Variants in ITPR1 observed in about 807,000 individuals in gnomAD.
ITPR1 encodes inositol 1,4,5-trisphosphate receptor type 1, also known as inositol 1,4,5-trisphosphate-gated calcium channel ITPR1.
A neutral mutation model predicts 318.4 loss-of-function variants in ITPR1; 96 were observed. That is an observed-to-expected ratio of 0.30 (90% confidence interval 0.26 to 0.36). The LOEUF (loss-of-function observed/expected upper bound fraction) is 0.36. Among genes scored for constraint, ITPR1 ranks in the 10% least tolerant of loss-of-function variants. The probability of loss-of-function intolerance (pLI) is 1.00; values close to 1 mark genes in which losing one functional copy is unlikely to be tolerated. For missense variants in ITPR1, 2,440 were observed against 3,460.2 expected, an observed-to-expected ratio of 0.71 and a Z score of 7.40; for synonymous variants, 1,312 against 1,289.9, an observed-to-expected ratio of 1.02 and a Z score of -0.37.
intron 23 of ITPR1, among the ~76,000 whole-genome samples, chr3:4,675,768 C>A (rs1328007296): frequency 2.0e-5 from 3 of 152,106 alleles, no homozygotes; most frequent in African/African-American, 7.2e-5. Context: ...TCAGAGTAGG[C>A]AGATATTGGT....
At position 4,667,498 on chromosome 3, in the gene ITPR1, C is replaced by T. The variant is rs781586221; in HGVS notation, c.1835C>T (p.Ala612Val). 9.3e-6 allele frequency: 15 copies of T among 1,613,560 alleles called. No individual in the cohort carries two copies. Among genetic ancestry groups the T allele is most frequent in the South Asian group, 4.4e-5 (4 of 91,040 alleles). Residue 612 changes from alanine to valine, a missense_variant, in exon 18 of 62, where the codon GCG (alanine) becomes GTG (valine). Ala to Val is a moderately conservative substitution (Grantham distance 64). Transcript: ENST00000649015. ...NRKLLEKHITAAEIDTFVSLV... is the reference protein window; with the variant it reads ...NRKLLEKHITVAEIDTFVSLV... ...AAACTCCTGGAAAAACACATTACCGCGGCAGAGATTGACACATTTGTCAGC... is the reference window on the plus strand; with the variant it reads ...AAACTCCTGGAAAAACACATTACCGTGGCAGAGATTGACACATTTGTCAGC...
rs10546052 is a variant in ITPR1 at position 4,696,673 on chromosome 3, GTTT to G, written c.4282-457_4282-455del. 7.8e-3 allele frequency among the ~76,000 whole-genome samples: 909 copies of G among 117,192 alleles called. 12 individuals carry two copies. Among genetic ancestry groups the G allele is most frequent in the African/African-American group, 0.027 (855 of 31,964 alleles). The allele number at this position is 117,192 out of a possible 152,430, so 76.9% of individuals were successfully genotyped here. On this transcript the variant is annotated intron_variant, in intron 33 of 61. Transcript: ENST00000649015. ...ATTGAAGTTGAGCCCCTTGCCGTGT[GTTT>G]TTTTTTTTTTTTTTTTGACATTTGA...
chr3:4,788,040 T>C lies in ITPR1; in HGVS notation c.6709T>C (p.Tyr2237His). 3 of 1,612,816 alleles carry C rather than the reference T, an allele frequency of 1.9e-6. No homozygotes were observed. The highest frequency in any genetic ancestry group is 2.5e-6 in the Non-Finnish European group (3 of 1,179,290). Residue 2237 changes from tyrosine (Y) to histidine (H), a missense_variant, in exon 52 of 62, where the codon TAT becomes CAT. Around this residue, in one of 23 missense-constraint regions of ITPR1, gnomAD observed 115 missense variants for 204.5 expected, o/e 0.56. Coordinates refer to ENST00000649015, the MANE Select transcript of ITPR1 (RefSeq NM_001378452.1). Reference sequence around the variant, plus strand: ...CAAGGAGTCAAAACTACGAATTTACTATACTACAGAGAGAGACGAACAAGG... The same window carrying C: ...CAAGGAGTCAAAACTACGAATTTACCATACTACAGAGAGAGACGAACAAGG... ...LTKESKLRIYYTTERDEQGSK... is the reference protein window; with the variant it reads ...LTKESKLRIYHTTERDEQGSK...
In ITPR1 at chr3:4,766,422, C is replaced by A. The variant is rs146353850; in HGVS notation, c.5545-108C>A. On this transcript the variant is annotated intron_variant, in intron 44 of 61. Transcript: ENST00000649015. ...AATGTTGATCTAAACTTAGATCATG[C>A]GTGAGGTTTTGCAACTGGCTCTGAT... 2,230 of 816,996 alleles carry A rather than the reference C, an allele frequency of 2.7e-3. 7 individuals carry two copies. The highest frequency in any genetic ancestry group is 3.4e-3 in the Admixed American group (152 of 44,396). 50.6% of individuals were successfully genotyped at this position (816,996 alleles called of 1,614,324 possible). A position where few individuals can be genotyped will look rare whatever the true frequency, so the allele number is the denominator to read the frequency against.
At chr3:4,690,732 C>A (rs934674945) in intron 31 of ITPR1, among the ~76,000 whole-genome samples, 1 of 152,122 alleles carries the variant, frequency 6.6e-6, no homozygotes, top group African/African-American at 2.4e-5. Context: ...AATAAAGATA[C>A]TGTCATATAT....
chr3:4,823,642 T>C (rs1375627779), intron 60 of ITPR1, among the ~76,000 whole-genome samples: 1 of 151,922 alleles, frequency 6.6e-6, no homozygotes, highest in Non-Finnish European at 1.5e-5. Context: ...AGTGGAAAGA[T>C]AGATAACAGA....
intron 35 of ITPR1, among the ~76,000 whole-genome samples, chr3:4,700,690 GT>G (rs1421836583): frequency 2.0e-5 from 3 of 152,192 alleles, no homozygotes; most frequent in South Asian, 2.1e-4. Context: ...CTTCCAGGAG[GT>G]TGAGTGAGCT....
At chr3:4,698,506 A>G (rs892363066) in intron 34 of ITPR1, among the ~76,000 whole-genome samples, 1 of 152,126 alleles carries the variant, frequency 6.6e-6, no homozygotes, top group Non-Finnish European at 1.5e-5. Context: ...AAAGGACCAG[A>G]TCGTAAATAT....
At chr3:4,598,082 C>T (rs570403946) in intron 4 of ITPR1, among the ~76,000 whole-genome samples, 4 of 152,236 alleles carry the variant, frequency 2.6e-5, no homozygotes, top group Non-Finnish European at 4.4e-5. Flanking sequence ...GGGCCTTTAG[C>T]ACCTATGCAG....
chr3:4,845,341 A>G (rs940286918), intron 61 of ITPR1, among the ~76,000 whole-genome samples: 1 of 152,242 alleles, frequency 6.6e-6, no homozygotes, highest in East Asian at 1.9e-4. Flanking sequence ...GTTAAGGAAA[A>G]TCTTAATACA....
intron 4 of ITPR1, among the ~76,000 whole-genome samples, chr3:4,524,588 C>T (rs1559383647): frequency 6.6e-6 from 1 of 152,156 alleles, no homozygotes; most frequent in Non-Finnish European, 1.5e-5. Flanking sequence ...TGCATGTAGT[C>T]ATTTGGGTTT....
At chr3:4,662,951 G>A (rs2093868392) in intron 15 of ITPR1, 114 bp from the exon 16 acceptor site, 1 of 802,294 alleles carries the variant, frequency 1.2e-6, no homozygotes, top group Non-Finnish European at 2.0e-6. Flanking sequence ...AAATTGGAAA[G>A]TGTGGGTCTG....
In ITPR1 at chr3:4,813,192, G is replaced by C; in HGVS notation, c.7519G>C (p.Val2507Leu). 1 of 1,613,888 alleles carries C rather than the reference G, an allele frequency of 6.2e-7. No individual in the cohort carries two copies. Among genetic ancestry groups the C allele is most frequent in the Non-Finnish European group, 8.5e-7 (1 of 1,179,792 alleles). The change falls in exon 57 of 62, where the codon GTG becomes CTG. Residue 2507 changes from valine to leucine, a missense_variant. Val to Leu is a conservative substitution (Grantham distance 32). Transcript: ENST00000649015. ...SEFLFSDVCR[V>L]ESGENCSSPA... The stretch of plus-strand genomic sequence containing the variant: ...GTTCCTGTTCTCCGATGTGTGTAGG[G>C]TGGAGAGTGGGGAGAACTGCTCCTC...
At chr3:4,775,012 T>C (rs2046400907) in intron 46 of ITPR1, among the ~76,000 whole-genome samples, 1 of 152,224 alleles carries the variant, frequency 6.6e-6, no homozygotes, top group African/African-American at 2.4e-5. Flanking sequence ...GCATTCCATA[T>C]ACTTACACCT....
chr3:4,838,768 G>A (rs191843720), intron 61 of ITPR1, among the ~76,000 whole-genome samples: 221 of 152,238 alleles, frequency 1.5e-3, no homozygotes, highest in Non-Finnish European at 2.6e-3. Context: ...AGGCTCTTTG[G>A]GGGTATGTTT....
chr3:4,798,003 G>A (rs1481805148), intron 53 of ITPR1, among the ~76,000 whole-genome samples: 3 of 152,118 alleles, frequency 2.0e-5, no homozygotes, highest in African/African-American at 7.2e-5. Context: ...TGATTTTTTG[G>A]AATCTAGCAC....
intron 4 of ITPR1, among the ~76,000 whole-genome samples, chr3:4,537,791 C>A (rs1362412626): frequency 6.6e-6 from 1 of 152,202 alleles, no homozygotes; most frequent in East Asian, 1.9e-4. Context: ...GACTTCTTAC[C>A]TCCATGACTT....
At chr3:4,769,461 A>T (rs1173743361) in intron 46 of ITPR1, among the ~76,000 whole-genome samples, 2 of 152,224 alleles carry the variant, frequency 1.3e-5, no homozygotes, top group Non-Finnish European at 1.5e-5. Flanking sequence ...AATTGGATAC[A>T]TAGAAAGTTC....
At chr3:4,650,661 G>A (rs1033023186) in intron 10 of ITPR1, among the ~76,000 whole-genome samples, 8 of 147,550 alleles carry the variant, frequency 5.4e-5, no homozygotes, top group Non-Finnish European at 1.2e-4. Context: ...GTCTGTCTGT[G>A]TCTGTGTGTT....
Sources: allele counts gnomAD v4.1 joint callset (sites outside exome capture counted in the v4.1 genomes callset), GRCh38; gene constraint gnomAD v4.1.1; regional missense constraint gnomAD v4.1.1; transcripts MANE v1.5; gene names NCBI Gene and HGNC (gene_info 2026-07-23, HGNC 2026-07-21).